Variants in HMCN1 observed in about 807,000 individuals in gnomAD.
The protein encoded by HMCN1 is hemicentin 1.
HMCN1 carries 321 observed loss-of-function variants against 625.9 expected under a neutral mutation model. The ratio of observed to expected loss-of-function variants is 0.51; its 90% confidence interval spans 0.47 to 0.56. The LOEUF (loss-of-function observed/expected upper bound fraction) is 0.56, where lower values mean the gene tolerates loss of function less well. Among genes scored for constraint, HMCN1 ranks in the 20% least tolerant of loss-of-function variants. The probability of loss-of-function intolerance (pLI) is 0.00; values close to 1 mark genes in which losing one functional copy is unlikely to be tolerated. For synonymous variants in HMCN1, 2,425 were observed against 2,417.6 expected, an observed-to-expected ratio of 1.00 and a Z score of -0.09; for missense variants, 6,588 against 6,887.3, an observed-to-expected ratio of 0.96 and a Z score of 1.54.
At chr1:185,966,866 AAT>A (rs1650445894) in intron 14 of HMCN1, among the ~76,000 whole-genome samples, 1 of 152,114 alleles carries the variant, frequency 6.6e-6, no homozygotes, top group Non-Finnish European at 1.5e-5. Context: ...GTAGAAAATA[AAT>A]AGTTTTAAAT....
chr1:185,947,869 A>C lies in HMCN1; in HGVS notation c.1828+14045A>C, dbSNP rs551605956. ...CATTTGTCCATTGTAAATCATTCTTAGTGAGATTTTGTATTTTTCATTGTG... is the reference window on the plus strand; with the variant it reads ...CATTTGTCCATTGTAAATCATTCTTCGTGAGATTTTGTATTTTTCATTGTG... On this transcript the variant is annotated intron_variant, in intron 11 of 106. Coordinates refer to ENST00000271588, the MANE Select transcript of HMCN1 (RefSeq NM_031935.3). 3.9e-5 allele frequency among the ~76,000 whole-genome samples: 6 copies of C among 152,368 alleles called. No homozygotes were observed. In the South Asian group the frequency reaches 1.2e-3, roughly 32 times the overall value.
At chr1:185,969,458 C>T (rs1319984974) in intron 14 of HMCN1, among the ~76,000 whole-genome samples, 2 of 152,112 alleles carry the variant, frequency 1.3e-5, no homozygotes, top group African/African-American at 4.8e-5. Context: ...TTGGCTGTTG[C>T]TGTTTGCAGT....
At chr1:185,946,219 A>T (rs958121085) in intron 11 of HMCN1, among the ~76,000 whole-genome samples, 3 of 152,330 alleles carry the variant, frequency 2.0e-5, no homozygotes, top group Admixed American at 6.5e-5. Flanking sequence ...ATCTATCAAC[A>T]TACGTTAAAG....
intron 81 of HMCN1, among the ~76,000 whole-genome samples, 155 bp from the exon 82 acceptor site, chr1:186,125,449 T>C (rs1293421274): frequency 1.3e-5 from 2 of 152,196 alleles, no homozygotes; most frequent in Admixed American, 6.5e-5. Context: ...ATTTCTTTCA[T>C]AGCAGGAAGC....
intron 48 of HMCN1, among the ~76,000 whole-genome samples, chr1:186,063,131 A>G (rs910337662): frequency 2.3e-5 from 3 of 129,362 alleles, no homozygotes; most frequent in East Asian, 2.4e-4. Context: ...ACCTCTGTTA[A>G]TGGACACTTA....
In HMCN1 at chr1:185,930,744, G is replaced by C. The variant is rs115404168; in HGVS notation, c.1552+2077G>C. Among the ~76,000 whole-genome samples the C allele has an allele frequency of 4.5e-3, 688 of 152,150 alleles. 7 individuals are homozygous for C. The highest frequency in any genetic ancestry group is 0.016 in the African/African-American group (662 of 41,518). On this transcript the variant is annotated intron_variant, in intron 10 of 106. Coordinates refer to ENST00000271588, the MANE Select transcript of HMCN1 (RefSeq NM_031935.3). Reference sequence around the variant, plus strand: ...ATGCACAACAGGTGTAGAAAGCAATGTTCTTCTCTTTTATTGAATATAAAC... The same window carrying C: ...ATGCACAACAGGTGTAGAAAGCAATCTTCTTCTCTTTTATTGAATATAAAC...
chr1:186,155,835 G>T (rs1335212804), intron 97 of HMCN1, among the ~76,000 whole-genome samples: 2 of 152,148 alleles, frequency 1.3e-5, no homozygotes, highest in African/African-American at 4.8e-5. Context: ...TGCATTCCTG[G>T]TAGCTTAACT....
At chr1:185,872,053 A>G (rs1005510336) in intron 4 of HMCN1, among the ~76,000 whole-genome samples, 1 of 152,242 alleles carries the variant, frequency 6.6e-6, no homozygotes, top group African/African-American at 2.4e-5. Flanking sequence ...AGGGACAACT[A>G]TAATGTTCTA....
chr1:186,094,485 G>A, intron 67 of HMCN1, 112 bp downstream of exon 67: 1 of 795,070 alleles, frequency 1.3e-6, no homozygotes, highest in South Asian at 1.4e-5. Context: ...TTATCAAAAA[G>A]GATTAGTGAA....
intron 36 of HMCN1, among the ~76,000 whole-genome samples, chr1:186,023,657 AC>A (rs1654867188): frequency 6.6e-6 from 1 of 152,158 alleles, no homozygotes; most frequent in Non-Finnish European, 1.5e-5. Flanking sequence ...CCTTGAATAT[AC>A]CACTTCAGAT....
chr1:185,818,646 T>C (rs1019574030), intron 1 of HMCN1, among the ~76,000 whole-genome samples: 1 of 152,188 alleles, frequency 6.6e-6, no homozygotes, highest in Non-Finnish European at 1.5e-5. Flanking sequence ...GATTTCACAT[T>C]ATTGACTGAT....
intron 106 of HMCN1, 115 bp from the exon 107 acceptor site, chr1:186,189,397 C>T (rs1653569667): frequency 9.2e-7 from 1 of 1,090,452 alleles, no homozygotes; most frequent in Non-Finnish European, 1.4e-6. Flanking sequence ...GCTTTTACAG[C>T]CAGGCTGCCT....
In HMCN1 at chr1:186,190,087, TTATTA is replaced by T; in HGVS notation, c.*211_*215del. On this transcript the variant is annotated 3_prime_UTR_variant, in exon 107 of 107. Coordinates refer to ENST00000271588, the MANE Select transcript of HMCN1 (RefSeq NM_031935.3). ...TTGAAGTATGGTCTAGAAAAGTCCC[TTATTA>T]TTTTATTTATTACACTGGAGCAGTT... The T allele has an allele frequency of 1.7e-6, 1 of 602,282 alleles. No individual in the cohort carries two copies. Among genetic ancestry groups the T allele is most frequent in the Non-Finnish European group, 2.9e-6 (1 of 340,916 alleles). The allele number at this position is 602,282 out of a possible 1,614,324, so 37.3% of individuals were successfully genotyped here. A position where few individuals can be genotyped will look rare whatever the true frequency, so the allele number is the denominator to read the frequency against.
intron 44 of HMCN1, among the ~76,000 whole-genome samples, 177 bp from the exon 45 acceptor site, chr1:186,055,216 T>A (rs1657230360): frequency 6.6e-6 from 1 of 152,044 alleles, no homozygotes; most frequent in Non-Finnish European, 1.5e-5. Flanking sequence ...ACTTAACACA[T>A]TGGAGAAGAA....
intron 97 of HMCN1, among the ~76,000 whole-genome samples, chr1:186,160,769 C>T (rs1447713774): frequency 2.0e-5 from 3 of 151,914 alleles, no homozygotes; most frequent in Admixed American, 6.6e-5. Flanking sequence ...AGTTTGATTG[C>T]ACTGTGGTCT....
chr1:186,042,001 T>C (rs1248461681), intron 40 of HMCN1, among the ~76,000 whole-genome samples: 1 of 152,200 alleles, frequency 6.6e-6, no homozygotes, highest in Non-Finnish European at 1.5e-5. Flanking sequence ...AGTTTGCCAA[T>C]GTAAATGTAT....
intron 1 of HMCN1, among the ~76,000 whole-genome samples, chr1:185,820,019 G>A (rs1171955024): frequency 6.6e-6 from 1 of 152,114 alleles, no homozygotes; most frequent in Non-Finnish European, 1.5e-5. Context: ...AAGGAAAAAA[G>A]CACAATGAAG....
At chr1:186,015,012 G>T in intron 30 of HMCN1, 147 bp from the exon 31 acceptor site, 1 of 699,834 alleles carries the variant, frequency 1.4e-6, no homozygotes, top group Non-Finnish European at 2.4e-6. Flanking sequence ...GACAATAGAG[G>T]AAACTCATTA....
intron 11 of HMCN1, chr1:185,957,029 A>T (rs1386204496): frequency 6.6e-6 from 1 of 152,238 alleles, no homozygotes; most frequent in East Asian, 1.9e-4. Context: ...AATAAACCTC[A>T]GTGTAACAAT....
Sources: allele counts gnomAD v4.1 joint callset (sites outside exome capture counted in the v4.1 genomes callset), GRCh38; gene constraint gnomAD v4.1.1; transcripts MANE v1.5; gene names NCBI Gene and HGNC (gene_info 2026-07-23, HGNC 2026-07-21).